The following SPDL1 variants were observed in gnomAD, a reference collection of about 807,000 sequenced individuals.
The protein encoded by SPDL1 is protein Spindly.
SPDL1 carries 85 observed loss-of-function variants against 79.5 expected under a neutral mutation model. The ratio of observed to expected loss-of-function variants is 1.07; its 90% CI spans 0.90 to 1.28. The LOEUF (loss-of-function observed/expected upper bound fraction) is 1.28, where lower values mean the gene tolerates loss of function less well. Ranked by LOEUF, SPDL1 falls within the 50% of genes most tolerant of loss-of-function variation. The pLI is 0.00. For missense variants in SPDL1, 703 were observed against 697.8 expected, an observed-to-expected ratio of 1.01 and a Z score of -0.08; for synonymous variants, 269 against 240.3, an observed-to-expected ratio of 1.12 and a Z score of -1.10.
intron 11 of SPDL1, among the ~76,000 whole-genome samples, chr5:169,603,700 G>T (rs182947658): frequency 3.3e-5 from 5 of 151,998 alleles, no homozygotes; most frequent in Admixed American, 1.3e-4. Context: ...CTAAAAATAC[G>T]AAAATTAGCT....
intron 1 of SPDL1, chr5:169,585,859 T>C (rs1754961474): frequency 6.6e-6 from 1 of 152,256 alleles, no homozygotes; most frequent in Non-Finnish European, 1.5e-5. Flanking sequence ...TACCTGCTTA[T>C]CAGCATCTAA....
At position 169,593,442 on chromosome 5, in the gene SPDL1, CTT is replaced by C; in HGVS notation, c.426_427del (p.Cys143Ter). ...GTAGATCATCAGAAGGAACTCCTCT[CTT>C]GTAAATCAGAGGAACTGCGCGTAAT... On this transcript the variant is annotated frameshift_variant, in exon 4 of 12. Coordinates refer to ENST00000265295, the MANE Select transcript of SPDL1 (RefSeq NM_017785.5). LOFTEE classifies it high-confidence loss of function. The C allele has an allele frequency of 6.2e-7, 1 of 1,613,898 alleles. No homozygotes were observed. Among genetic ancestry groups the C allele is most frequent in the Non-Finnish European group, 8.5e-7 (1 of 1,179,848 alleles).
At chr5:169,585,764 T>A (rs1754957151) in intron 1 of SPDL1, among the ~76,000 whole-genome samples, 1 of 152,238 alleles carries the variant, frequency 6.6e-6, no homozygotes. Context: ...TTCCCTTGTC[T>A]TCATTCTCAG....
chr5:169,589,694 T>A (rs559965412), intron 2 of SPDL1, among the ~76,000 whole-genome samples: 2 of 151,734 alleles, frequency 1.3e-5, no homozygotes, highest in Non-Finnish European at 2.9e-5. Context: ...GATTCACTTT[T>A]TTTTTCTTTT....
chr5:169,586,713 T>C (rs889551448), intron 1 of SPDL1, among the ~76,000 whole-genome samples: 1 of 152,234 alleles, frequency 6.6e-6, no homozygotes, highest in African/African-American at 2.4e-5. Context: ...GAAAATCATA[T>C]TGACCTTACC....
chr5:169,594,024 A>G (rs752843694), intron 4 of SPDL1, 121 bp from the exon 5 acceptor site: 90 of 746,824 alleles, frequency 1.2e-4, no homozygotes, highest in Non-Finnish European at 1.8e-4. Flanking sequence ...TGTACCTGAC[A>G]ACTTTTGACT....
chr5:169,601,466 C>A lies in SPDL1; in HGVS notation c.1511C>A (p.Ser504Ter). 6.2e-7 allele frequency: 1 copy of A among 1,614,132 alleles called. No individual in the cohort carries two copies. Among genetic ancestry groups the A allele is most frequent in the Non-Finnish European group, 8.5e-7 (1 of 1,180,004 alleles). The change falls in exon 11 of 12, where the codon TCA (serine) becomes TAA (stop). Residue 504 changes from serine to a stop codon, truncating the protein, a stop_gained. Transcript: ENST00000265295. LOFTEE classifies it high-confidence loss of function. ...GATAACAACTTGCAATTAGAAAAAT[C>A]AGTTTCTATATACACACCAGTAGTC... is the stretch of plus-strand genomic sequence containing the variant. ...LEDNNLQLEK[S>*]VSIYTPVVSL...
At chr5:169,600,336 C>T (rs1274163492) in intron 10 of SPDL1, among the ~76,000 whole-genome samples, 1 of 152,168 alleles carries the variant, frequency 6.6e-6, no homozygotes, top group Non-Finnish European at 1.5e-5. Flanking sequence ...AATAGGCTCC[C>T]CTGATTAAGA....
rs780921931 is a variant in SPDL1 at position 169,594,459 on chromosome 5, T to A, written c.747T>A (p.Asp249Glu). The A allele has an allele frequency of 6.8e-6, 11 of 1,614,002 alleles. No individual in the cohort carries two copies. Among genetic ancestry groups the A allele is most frequent in the Non-Finnish European group, 9.3e-6 (11 of 1,179,976 alleles). ...QLDQALQQALDPNSKGNSLFA... is the reference protein window; with the variant it reads ...QLDQALQQALEPNSKGNSLFA... ...ACCAGGCACTCCAGCAAGCCTTGGA[T>A]CCCAATAGTAAAGGCAACTCTTTGT... Residue 249 changes from aspartate to glutamate, a missense_variant, in exon 6 of 12, where the codon GAT becomes GAA. By Grantham distance (45) the Asp-to-Glu change is conservative. Transcript: ENST00000265295.
Position 169,603,172 on chromosome 5 carries a change from C to A in SPDL1, c.1671-888C>A, listed in dbSNP as rs373682379. The stretch of plus-strand genomic sequence containing the variant: ...AATGTTTCCGACTCTTTGTTTTCTG[C>A]CTGTTTAACTTAGATACACAATCCT... On this transcript the variant is annotated intron_variant, in intron 11 of 11. Transcript: ENST00000265295. Among the ~76,000 whole-genome samples, 7 of 151,948 alleles carry A rather than the reference C, an allele frequency of 4.6e-5. No homozygotes were observed. In the East Asian group the frequency reaches 1.4e-3, roughly 29 times the overall value.
In SPDL1 at chr5:169,601,341, C is replaced by A. The variant is rs553446635; in HGVS notation, c.1386C>A (p.Thr462=). The A allele has an allele frequency of 1.7e-5, 27 of 1,613,562 alleles. No individual in the cohort carries two copies. The highest frequency in any genetic ancestry group is 2.2e-5 in the Non-Finnish European group (26 of 1,179,966). ...RREVLPVDIT[T]AKDACVNNSA... ...AGGTGCTCCCTGTGGATATAACCAC[C>A]GCTAAAGATGCATGTGTCAACAACA... Residue 462 remains threonine, a synonymous_variant, in exon 11 of 12, where the codon ACC becomes ACA. Coordinates refer to ENST00000265295, the MANE Select transcript of SPDL1 (RefSeq NM_017785.5).
At position 169,588,483 on chromosome 5, in the gene SPDL1, G is replaced by A; in HGVS notation, c.67G>A (p.Ala23Thr). 6.2e-7 allele frequency: 1 copy of A among 1,613,902 alleles called. No homozygotes were observed. The highest frequency in any genetic ancestry group is 8.5e-7 in the Non-Finnish European group (1 of 1,179,868). ...AGAGGCTGAAGAAGAGCGACTAAAA[G>A]CTGCACAGTATGGTTTACAACTAGT... ...LKEAEEERLK[A>T]AQYGLQLVES... The change falls in exon 2 of 12, where the codon GCT becomes ACT. Residue 23 changes from alanine (A) to threonine (T), a missense_variant. Physicochemically the swap from Ala to Thr is moderately conservative, Grantham distance 58 (BLOSUM62 0). Coordinates refer to ENST00000265295, the MANE Select transcript of SPDL1 (RefSeq NM_017785.5).
rs1755102324 is a variant in SPDL1, at chr5:169,588,491, G to C, written c.75G>C (p.Gln25His). ...AAGAAGAGCGACTAAAAGCTGCACA[G>C]TATGGTTTACAACTAGTAGAGAGTC... The part of the protein sequence containing the change: ...EAEEERLKAA[Q>H]YGLQLVESQN... The change falls in exon 2 of 12, where the codon CAG becomes CAC. Residue 25 changes from glutamine to histidine, a missense_variant. Physicochemically the swap from Gln to His is conservative, Grantham distance 24. Transcript: ENST00000265295. The C allele has an allele frequency of 3.1e-6, 5 of 1,613,956 alleles. No individual in the cohort carries two copies. Among genetic ancestry groups the C allele is most frequent in the Non-Finnish European group, 4.2e-6 (5 of 1,179,892 alleles).
At position 169,598,570 on chromosome 5, in the gene SPDL1, A is replaced by T. The variant is rs1237364196; in HGVS notation, c.1127A>T (p.Asp376Val). 1 of 1,609,604 alleles carries T rather than the reference A, an allele frequency of 6.2e-7. No homozygotes were observed. Among genetic ancestry groups the T allele is most frequent in the Admixed American group, 1.7e-5 (1 of 59,984 alleles). The change falls in exon 9 of 12, where the codon GAT becomes GTT. Residue 376 changes from aspartate to valine, a missense_variant. By Grantham distance (152) the Asp-to-Val change is radical (BLOSUM62 -3). Transcript: ENST00000265295. ...YYTDLLQMKLDNLNKEIESTK... is the reference protein window; with the variant it reads ...YYTDLLQMKLVNLNKEIESTK... ...ACAGATTTACTTCAGATGAAGCTGG[A>T]TAACTTAAAGTAAGTGTCTGGGTTG...
In SPDL1 at chr5:169,604,084, A is replaced by C; in HGVS notation, c.1695A>C (p.Gln565His). The change falls in exon 12 of 12, where the codon CAA (glutamine) becomes CAC (histidine). Residue 565 changes from glutamine (Q) to histidine (H), a missense_variant. Physicochemically the swap from Gln to His is conservative, Grantham distance 24. Coordinates refer to ENST00000265295, the MANE Select transcript of SPDL1 (RefSeq NM_017785.5). The part of the protein sequence containing the change: ...SPRLAAESKL[Q>H]TEVKEGKETS... Reference sequence around the variant, plus strand: ...GGTTAGCTGCTGAATCAAAGCTTCAAACAGAAGTTAAAGAAGGAAAAGAAA... The same window carrying C: ...GGTTAGCTGCTGAATCAAAGCTTCACACAGAAGTTAAAGAAGGAAAAGAAA... 1 of 1,612,322 alleles carries C rather than the reference A, an allele frequency of 6.2e-7. No homozygotes were observed. The highest frequency in any genetic ancestry group is 8.5e-7 in the Non-Finnish European group (1 of 1,179,386).
intron 11 of SPDL1, among the ~76,000 whole-genome samples, chr5:169,602,721 T>G (rs750917603): frequency 6.6e-6 from 1 of 152,212 alleles, no homozygotes; most frequent in Non-Finnish European, 1.5e-5. Flanking sequence ...ATTTTATTAC[T>G]CCCTCCTTGG....
intron 3 of SPDL1, among the ~76,000 whole-genome samples, chr5:169,592,539 A>T (rs1017209139): frequency 6.6e-6 from 1 of 151,962 alleles, no homozygotes; most frequent in Non-Finnish European, 1.5e-5. Context: ...AAGCTTGCTT[A>T]TTTTTTCCCA....
At chr5:169,603,009 T>G (rs181991108) in intron 11 of SPDL1, among the ~76,000 whole-genome samples, 1 of 152,168 alleles carries the variant, frequency 6.6e-6, no homozygotes, top group Non-Finnish European at 1.5e-5. Flanking sequence ...TGATAAAAAA[T>G]CACTTAAGCA....
At chr5:169,588,839 TC>T in intron 2 of SPDL1, 1 of 230,554 alleles carries the variant, frequency 4.3e-6, no homozygotes, top group Non-Finnish European at 8.5e-6. Flanking sequence ...TCTGCACACT[TC>T]CTAGAAGACC....
Sources: gnomAD v4.1 joint callset for allele counts (sites outside exome capture counted in the v4.1 genomes callset) on GRCh38, gnomAD v4.1.1 for gene constraint, MANE v1.5 for transcripts, NCBI Gene and HGNC (gene_info 2026-07-23, HGNC 2026-07-21) for gene names.